Variants in C12orf54 observed in about 807,000 individuals in gnomAD.
C12orf54 encodes the protein chromosome 12 open reading frame 54.
In C12orf54, 24 loss-of-function variants were observed where a neutral mutation model predicts 26.4. The ratio of observed to expected loss-of-function variants is 0.91; its 90% CI spans 0.66 to 1.28. The LOEUF (loss-of-function observed/expected upper bound fraction) is 1.28, where lower values mean the gene tolerates loss of function less well. C12orf54 is among the 50% of genes most tolerant of loss of function. The pLI is 0.00. For synonymous variants in C12orf54, 54 were observed against 47.0 expected, an observed-to-expected ratio of 1.15 and a Z score of -0.61; for missense variants, 154 against 150.9, an observed-to-expected ratio of 1.02 and a Z score of -0.11.
chr12:48,430,286 A>G, the C12orf54 span, among the ~76,000 whole-genome samples: 1 of 152,192 alleles, frequency 6.6e-6, no homozygotes, highest in East Asian at 1.9e-4. Flanking sequence ...AAAGCAATAA[A>G]AACAAAGATA....
At chr12:48,431,817 A>G in the C12orf54 span, among the ~76,000 whole-genome samples, 2 of 152,158 alleles carry the variant, frequency 1.3e-5, no homozygotes, top group Non-Finnish European at 2.9e-5. Context: ...AAGAATGGGG[A>G]TGGGATTGGA....
chr12:48,432,773 G>T, the C12orf54 span, among the ~76,000 whole-genome samples: 1 of 151,848 alleles, frequency 6.6e-6, no homozygotes, highest in Non-Finnish European at 1.5e-5. Flanking sequence ...GGAGCCTGAG[G>T]CAGGAAAATC....
At chr12:48,488,481 C>T in intron 4 of C12orf54, 1 of 203,572 alleles carries the variant, frequency 4.9e-6, no homozygotes. Flanking sequence ...AACTTACAGC[C>T]AAAAAAAAAA....
chr12:48,450,180 CT>C, the C12orf54 span, among the ~76,000 whole-genome samples: 1 of 152,116 alleles, frequency 6.6e-6, no homozygotes, highest in East Asian at 1.9e-4. Flanking sequence ...AGAAACAATC[CT>C]TTCTAACAGT....
At chr12:48,472,834 T>C in the C12orf54 span, 10 of 1,614,118 alleles carry the variant, frequency 6.2e-6, no homozygotes, top group South Asian at 1.1e-5. Flanking sequence ...CTCACCTCAA[T>C]TGCAAACTTG....
At chr12:48,421,541 T>TGAGACA in the C12orf54 span, among the ~76,000 whole-genome samples, 1 of 132,666 alleles carries the variant, frequency 7.5e-6, no homozygotes, top group Admixed American at 7.9e-5. Flanking sequence ...TTTTTTTTTT[T>TGAGACA]AGATGGAGGA....
the C12orf54 span, among the ~76,000 whole-genome samples, chr12:48,416,222 A>C: frequency 6.6e-6 from 1 of 152,214 alleles, no homozygotes; most frequent in African/African-American, 2.4e-5. Flanking sequence ...AAGCCAGAGT[A>C]ATCTTTCAAA....
chr12:48,415,363 A>G, the C12orf54 span, among the ~76,000 whole-genome samples: 2 of 152,154 alleles, frequency 1.3e-5, no homozygotes, highest in Non-Finnish European at 1.5e-5. Context: ...TTCACCTACC[A>G]TTCTCTTTTC....
At chr12:48,422,557 T>C in the C12orf54 span, among the ~76,000 whole-genome samples, 23 of 152,282 alleles carry the variant, frequency 1.5e-4, no homozygotes, top group Non-Finnish European at 2.9e-4. Flanking sequence ...ACTTGACCTT[T>C]TTTTCTGTAC....
In C12orf54 at chr12:48,493,009, T is replaced by C; in HGVS notation, c.242+14T>C. 6.2e-7 allele frequency: 1 copy of C among 1,612,470 alleles called. No homozygotes were observed. Among genetic ancestry groups the C allele is most frequent in the Non-Finnish European group, 8.5e-7 (1 of 1,178,510 alleles). On this transcript the variant is annotated intron_variant, in intron 7 of 8. Transcript: ENST00000548364. ...ACCCAGGACTGGGTAAGTGTCCCTA[T>C]TCTGACAATGTTCAAGGGAGATGGC... is the stretch of plus-strand genomic sequence containing the variant.
At chr12:48,466,341 C>T in the C12orf54 span, among the ~76,000 whole-genome samples, 4 of 152,006 alleles carry the variant, frequency 2.6e-5, no homozygotes, top group Non-Finnish European at 4.4e-5. Flanking sequence ...GTCTGGAGTT[C>T]GGGACGATCC....
chr12:48,478,023 G>A (rs1054279554), upstream of C12orf54, among the ~76,000 whole-genome samples: 2 of 152,148 alleles, frequency 1.3e-5, no homozygotes, highest in Non-Finnish European at 2.9e-5. Flanking sequence ...ACCGAATCCA[G>A]CAGCACATCA....
At chr12:48,487,923 C>T (rs1937689176) in intron 4 of C12orf54, 3 of 626,122 alleles carry the variant, frequency 4.8e-6, no homozygotes, top group East Asian at 5.4e-5. Context: ...CCAGCCCTGG[C>T]CCTGGATCCT....
At chr12:48,437,094 A>C in the C12orf54 span, among the ~76,000 whole-genome samples, 1 of 152,240 alleles carries the variant, frequency 6.6e-6, no homozygotes, top group African/African-American at 2.4e-5. Context: ...ACAGAAATAC[A>C]AACTACCATA....
the C12orf54 span, among the ~76,000 whole-genome samples, chr12:48,469,958 T>C: frequency 6.6e-6 from 1 of 152,208 alleles, no homozygotes; most frequent in African/African-American, 2.4e-5. Context: ...GATTTTCTGT[T>C]CCTGCATTAA....
the C12orf54 span, among the ~76,000 whole-genome samples, chr12:48,477,248 T>C: frequency 1.3e-5 from 2 of 152,136 alleles, no homozygotes; most frequent in African/African-American, 4.8e-5. Flanking sequence ...TTCAAAGCAG[T>C]GTGTAGAGGG....
At chr12:48,444,526 G>A in the C12orf54 span, among the ~76,000 whole-genome samples, 1 of 152,234 alleles carries the variant, frequency 6.6e-6, no homozygotes, top group Non-Finnish European at 1.5e-5. Context: ...AAAGGACAAA[G>A]TTGGAAATTC....
At chr12:48,427,997 C>T in the C12orf54 span, among the ~76,000 whole-genome samples, 2 of 151,872 alleles carry the variant, frequency 1.3e-5, no homozygotes, top group African/African-American at 4.8e-5. Context: ...GGAATAAAAC[C>T]AGAAATCAAC....
At chr12:48,423,888 A>G in the C12orf54 span, among the ~76,000 whole-genome samples, 1 of 152,060 alleles carries the variant, frequency 6.6e-6, no homozygotes, top group Non-Finnish European at 1.5e-5. Flanking sequence ...AGAAGTGGTG[A>G]AAGCAGGCAT....
Sources: allele counts gnomAD v4.1 joint callset (sites outside exome capture counted in the v4.1 genomes callset), GRCh38; gene constraint gnomAD v4.1.1; transcripts MANE v1.5; gene names NCBI Gene and HGNC (gene_info 2026-07-23, HGNC 2026-07-21).